TRAF6: variants seen among roughly 807,000 people sequenced by gnomAD.
TRAF6 encodes the protein TNF receptor-associated factor 6.
Under a neutral mutation model 48.4 loss-of-function variants are expected in TRAF6, and 10 were observed. That is an observed-to-expected ratio of 0.21 (90% CI 0.13 to 0.35). The LOEUF (loss-of-function observed/expected upper bound fraction) is 0.35, where lower values mean the gene tolerates loss of function less well. TRAF6 is among the 10% of genes least tolerant of loss of function. The pLI, the probability that TRAF6 is intolerant of heterozygous loss-of-function variation, is 1.00. For synonymous variants in TRAF6, 186 were observed against 219.6 expected (o/e 0.85, Z 1.35); for missense variants, 397 against 661.0 (o/e 0.60, Z 4.38).
Position 36,501,393 on chromosome 11 carries a change from G to A in TRAF6, c.123C>T (p.Ser41=). ...TKDDSVGGTA[S]TGNLSSSFME... ...TAAATGAGCTGGAGAGGTTCCCCGT[G>A]CTGGCAGTTCCACCCACACTATCAT... The change falls in exon 2 of 7, where the codon AGC becomes AGT. Residue 41 remains serine (S), a synonymous_variant. Coordinates refer to ENST00000526995, the MANE Select transcript of TRAF6 (RefSeq NM_004620.4). 3 of 1,614,086 alleles carry A rather than the reference G, an allele frequency of 1.9e-6. No individual in the cohort carries two copies. Among genetic ancestry groups the A allele is most frequent in the Non-Finnish European group, 2.5e-6 (3 of 1,180,012 alleles).
intron 1 of TRAF6, among the ~76,000 whole-genome samples, chr11:36,506,712 C>G (rs1238269044): frequency 2.6e-5 from 4 of 152,074 alleles, no homozygotes; most frequent in South Asian, 4.1e-4. Context: ...AAAGGAACTC[C>G]ACTGTGGGAA....
At chr11:36,495,903 A>C (rs1564966495) in intron 4 of TRAF6, among the ~76,000 whole-genome samples, 1 of 152,156 alleles carries the variant, frequency 6.6e-6, no homozygotes, top group Non-Finnish European at 1.5e-5. Context: ...CAAAAAAATA[A>C]AGAAAAAAAG....
rs1224624786 is a variant in TRAF6 at position 36,487,986 on chromosome 11, G to T, written c.*1852C>A. On this transcript the variant is annotated 3_prime_UTR_variant, in exon 7 of 7. Transcript: ENST00000526995. ...GCAAAGGAAAATAAGCCAACAAAAA[G>T]TTTAGTATATTTCCTTCAGGCTTTT... 2 of 152,174 alleles carry T rather than the reference G, an allele frequency of 1.3e-5. No individual in the cohort carries two copies. The highest frequency in any genetic ancestry group is 2.9e-5 in the Non-Finnish European group (2 of 68,030). 9.4% of individuals were successfully genotyped at this position (152,174 alleles called of 1,614,324 possible).
At chr11:36,508,006 C>A (rs1859830577) in intron 1 of TRAF6, among the ~76,000 whole-genome samples, 1 of 151,526 alleles carries the variant, frequency 6.6e-6, no homozygotes. Context: ...CAGGTGTGTG[C>A]CACCAAGCCT....
chr11:36,489,610 G>T lies in TRAF6; in HGVS notation c.*228C>A. 1.8e-6 allele frequency: 1 copy of T among 547,650 alleles called. No homozygotes were observed. Among genetic ancestry groups the T allele is most frequent in the Non-Finnish European group, 3.2e-6 (1 of 313,316 alleles). The allele number at this position is 547,650 out of a possible 1,614,324, so 33.9% of individuals were successfully genotyped here. A position where few individuals can be genotyped will look rare whatever the true frequency, so the allele number is the denominator to read the frequency against. On this transcript the variant is annotated 3_prime_UTR_variant, in exon 7 of 7. Transcript: ENST00000526995. ...AAATAGCTGCTGCAACATGCCACAG[G>T]CACTTCAGGCCTAACATTTCTGAAA... is the stretch of plus-strand genomic sequence containing the variant.
In TRAF6 at chr11:36,489,105, C is replaced by T. The variant is rs1859527321; in HGVS notation, c.*733G>A. The stretch of plus-strand genomic sequence containing the variant: ...GAGCAGTTGGTATCCACGTGGTTCT[C>T]AGCATTATAAACTCTGGGGAAGATG... On this transcript the variant is annotated 3_prime_UTR_variant, in exon 7 of 7. Coordinates refer to ENST00000526995, the MANE Select transcript of TRAF6 (RefSeq NM_004620.4). The T allele has an allele frequency of 6.6e-6, 1 of 152,264 alleles. No individual in the cohort carries two copies. Among genetic ancestry groups the T allele is most frequent in the East Asian group, 1.9e-4 (1 of 5,200 alleles). 9.4% of individuals were successfully genotyped at this position (152,264 alleles called of 1,614,324 possible).
intron 1 of TRAF6, among the ~76,000 whole-genome samples, chr11:36,508,463 G>A (rs1348300873): frequency 6.6e-6 from 1 of 152,026 alleles, no homozygotes; most frequent in Non-Finnish European, 1.5e-5. Context: ...AACATGTCTT[G>A]GGGGAGGGGG....
intron 5 of TRAF6, among the ~76,000 whole-genome samples, chr11:36,493,563 A>G (rs1859590961): frequency 6.6e-6 from 1 of 152,260 alleles, no homozygotes; most frequent in Non-Finnish European, 1.5e-5. Context: ...GTAGAGAGAC[A>G]GATCTAGCTG....
chr11:36,506,050 GACAAAT>G (rs1859779923), intron 1 of TRAF6, among the ~76,000 whole-genome samples: 2 of 151,878 alleles, frequency 1.3e-5, no homozygotes, highest in South Asian at 2.1e-4. Context: ...AAATGTGACA[GACAAAT>G]ACAAAGTGAG....
In TRAF6 at chr11:36,490,183, G is replaced by C. The variant is rs750059919; in HGVS notation, c.1224C>G (p.Ser408=). 1 of 1,614,166 alleles carries C rather than the reference G, an allele frequency of 6.2e-7. No individual in the cohort carries two copies. Among genetic ancestry groups the C allele is most frequent in the South Asian group, 1.1e-5 (1 of 91,084 alleles). Residue 408 remains serine, a synonymous_variant, in exon 7 of 7, where the codon TCC becomes TCG. Transcript: ENST00000526995. This position sits in a 1 kb window ranked among gnomAD's most constrained non-coding sequence, Gnocchi z 6.4. ...PTAQRCANYI[S]LFVHTMQGEY... is the part of the protein sequence containing the mutation. ...CTCCTTGCATTGTGTGGACAAAAAGGGATATATAGTTTGCACAGCGCTGAG... is the reference window on the plus strand; with the variant it reads ...CTCCTTGCATTGTGTGGACAAAAAGCGATATATAGTTTGCACAGCGCTGAG...
rs899319951 is a variant in TRAF6, at chr11:36,485,232, G to A, written c.*4606C>T. Among the ~76,000 whole-genome samples the A allele has an allele frequency of 1.2e-4, 18 of 152,124 alleles. No homozygotes were observed. The highest frequency in any genetic ancestry group is 1.8e-4 in the Non-Finnish European group (12 of 68,040). ...AAAAAGCAAAAAAAGTAACATCTGC[G>A]CCTTACCATCTAAAATTTACATGAC... On this transcript the variant is annotated 3_prime_UTR_variant, in exon 7 of 7. Coordinates refer to ENST00000526995, the MANE Select transcript of TRAF6 (RefSeq NM_004620.4).
chr11:36,498,324 A>G (rs1859668346), intron 3 of TRAF6, among the ~76,000 whole-genome samples, 166 bp downstream of exon 3: 1 of 152,232 alleles, frequency 6.6e-6, no homozygotes, highest in African/African-American at 2.4e-5. Context: ...GTTTCTACTT[A>G]CATTTATATT....
intron 2 of TRAF6, among the ~76,000 whole-genome samples, chr11:36,500,773 T>C (rs1260884666): frequency 6.6e-6 from 1 of 152,166 alleles, no homozygotes; most frequent in Admixed American, 6.5e-5. Flanking sequence ...CTGGTAATTT[T>C]ACAGTTGACC....
Position 36,493,515 on chromosome 11 carries a change from A to G in TRAF6, c.679-887T>C, listed in dbSNP as rs529505854. ...ATACACAAGACATACACACATGGGT[A>G]TGACTGTCTTTCAATAAAACTTTAT... is the stretch of plus-strand genomic sequence containing the variant. On this transcript the variant is annotated intron_variant, in intron 5 of 6. Transcript: ENST00000526995. 2.5e-3 allele frequency among the ~76,000 whole-genome samples: 377 copies of G among 152,348 alleles called. 6 individuals carry two copies. Among genetic ancestry groups the G allele is most frequent in the South Asian group, 7.9e-3 (38 of 4,824 alleles).
intron 1 of TRAF6, among the ~76,000 whole-genome samples, chr11:36,509,089 G>C (rs1859856310): frequency 1.3e-5 from 2 of 152,092 alleles, no homozygotes; most frequent in Non-Finnish European, 2.9e-5. Context: ...CCCTTCCCTA[G>C]TAATCAAAGG....
At chr11:36,507,970 C>T (rs1859829895) in intron 1 of TRAF6, among the ~76,000 whole-genome samples, 2 of 151,546 alleles carry the variant, frequency 1.3e-5, no homozygotes, top group Admixed American at 1.3e-4. Flanking sequence ...ATCCTCCCAC[C>T]TCAGTCTCCC....
intron 6 of TRAF6, among the ~76,000 whole-genome samples, chr11:36,492,225 A>G (rs1258522606): frequency 6.6e-6 from 1 of 152,202 alleles, no homozygotes; most frequent in African/African-American, 2.4e-5. Context: ...TATTGGGTTG[A>G]ACTAGCACAA....
At chr11:36,506,906 T>C (rs1340972141) in intron 1 of TRAF6, among the ~76,000 whole-genome samples, 1 of 152,066 alleles carries the variant, frequency 6.6e-6, no homozygotes, top group Non-Finnish European at 1.5e-5. Context: ...GAAAATTAAG[T>C]TAAAAACAAT....
chr11:36,509,500 A>G (rs1252509022), intron 1 of TRAF6, among the ~76,000 whole-genome samples: 3 of 152,042 alleles, frequency 2.0e-5, no homozygotes, highest in African/African-American at 7.2e-5. Flanking sequence ...CTTTCCCATG[A>G]CAGTGACAGC....
Sources: gnomAD v4.1 joint callset for allele counts (sites outside exome capture counted in the v4.1 genomes callset) on GRCh38, gnomAD v4.1.1 for gene constraint, Gnocchi (gnomAD v3.1) non-coding constraint, MANE v1.5 for transcripts, NCBI Gene and HGNC (gene_info 2026-07-23, HGNC 2026-07-21) for gene names.